The following NSD1 variants were observed in gnomAD, a reference collection of about 807,000 sequenced individuals.
NSD1 encodes histone-lysine N-methyltransferase, H3 lysine-36 specific.
A neutral mutation model predicts 242.7 loss-of-function variants in NSD1; 26 were observed. The ratio of observed to expected loss-of-function variants is 0.11; its 90% CI spans 0.08 to 0.15. The LOEUF (loss-of-function observed/expected upper bound fraction) is 0.15, where lower values mean the gene tolerates loss of function less well. NSD1 is among the 10% of genes least tolerant of loss of function. The pLI is 1.00. For missense variants in NSD1, 2,495 were observed against 3,272.8 expected (o/e 0.76, Z 5.80); for synonymous variants, 1,106 against 1,178.1 (o/e 0.94, Z 1.25).
intron 2 of NSD1, among the ~76,000 whole-genome samples, chr5:177,154,087 C>T (rs1346044274): frequency 2.0e-5 from 3 of 152,100 alleles, no homozygotes; most frequent in Admixed American, 6.6e-5. Flanking sequence ...CTGTCCAAGA[C>T]GGCTCACTCA....
chr5:177,213,672 G>C (rs1044317601), intron 5 of NSD1, among the ~76,000 whole-genome samples: 2 of 152,124 alleles, frequency 1.3e-5, no homozygotes, highest in Admixed American at 1.3e-4. Flanking sequence ...GGGTTTCACT[G>C]TGTTAGCCAG....
chr5:177,205,415 C>G (rs1185972165), intron 4 of NSD1, among the ~76,000 whole-genome samples: 1 of 151,770 alleles, frequency 6.6e-6, no homozygotes, highest in African/African-American at 2.4e-5. Context: ...AGTTATATTT[C>G]AACCATCAGT....
At chr5:177,205,071 C>CT (rs1762779626) in intron 4 of NSD1, among the ~76,000 whole-genome samples, 4 of 152,098 alleles carry the variant, frequency 2.6e-5, no homozygotes, top group Admixed American at 2.6e-4. Context: ...GAGTCTCACT[C>CT]TGTCACCCAG....
At position 177,267,661 on chromosome 5, in the gene NSD1, A is replaced by G. The variant is rs1015657006; in HGVS notation, c.5246A>G (p.Lys1749Arg). The stretch of plus-strand genomic sequence containing the variant: ...GGAAACTGGTATTGCAATGACTGTA[A>G]AGCAGGCAAAAAGCCACACTACAGG... ...PEGNWYCNDC[K>R]AGKKPHYREI... Residue 1749 changes from lysine to arginine, a missense_variant, in exon 15 of 23, where the codon AAA (lysine) becomes AGA (arginine). Physicochemically the swap from Lys to Arg is conservative, Grantham distance 26. Around this residue, in one of 19 missense-constraint regions of NSD1, gnomAD observed 25 missense variants for 49.7 expected, o/e 0.50. Coordinates refer to ENST00000439151, the MANE Select transcript of NSD1 (RefSeq NM_022455.5). 6.2e-7 allele frequency: 1 copy of G among 1,614,082 alleles called. No homozygotes were observed. The highest frequency in any genetic ancestry group is 8.5e-7 in the Non-Finnish European group (1 of 1,180,002).
intron 5 of NSD1, chr5:177,220,869 C>T (rs967372562): frequency 1.2e-5 from 4 of 326,732 alleles, no homozygotes; most frequent in African/African-American, 9.1e-5. Context: ...CTGTGGTCGG[C>T]CTCTTTTTTT....
intron 2 of NSD1, among the ~76,000 whole-genome samples, chr5:177,145,024 G>T (rs1346682107): frequency 1.3e-5 from 2 of 150,662 alleles, no homozygotes; most frequent in Non-Finnish European, 2.9e-5. Context: ...GGCAGAGGTT[G>T]CAGTAAGCTG....
intron 5 of NSD1, among the ~76,000 whole-genome samples, chr5:177,219,214 T>C (rs559818018): frequency 6.6e-6 from 1 of 150,920 alleles, no homozygotes; most frequent in East Asian, 2.0e-4. Context: ...TGAGAGGGAG[T>C]CTCGCTCTGT....
rs550741685 is a variant in NSD1 at position 177,136,158 on chromosome 5, A to G, written c.927+128A>G. The G allele has an allele frequency of 2.2e-5, 18 of 824,046 alleles. No individual in the cohort carries two copies. In the East Asian group the frequency reaches 2.7e-4, roughly 12 times the overall value. The allele number at this position is 824,046 out of a possible 1,614,324, so 51.0% of individuals were successfully genotyped here. On this transcript the variant is annotated intron_variant, in intron 2 of 22. Coordinates refer to ENST00000439151, the MANE Select transcript of NSD1 (RefSeq NM_022455.5). ...CACAGCTGAAATCCTATTGCTAATC[A>G]TAAGCTTTGGGCAAAATTTTACTTT...
chr5:177,223,355 T>C (rs1764389295), intron 5 of NSD1, among the ~76,000 whole-genome samples: 1 of 152,110 alleles, frequency 6.6e-6, no homozygotes, highest in African/African-American at 2.4e-5. Context: ...GGCAGATCAC[T>C]TGAGGTCAGA....
At chr5:177,150,326 T>A (rs1203601155) in intron 2 of NSD1, among the ~76,000 whole-genome samples, 12 of 152,084 alleles carry the variant, frequency 7.9e-5, no homozygotes, top group African/African-American at 2.9e-4. Context: ...AGACAGGTTT[T>A]CACTGTGTTG....
At chr5:177,232,297 T>C (rs974630259) in intron 5 of NSD1, among the ~76,000 whole-genome samples, 5 of 152,222 alleles carry the variant, frequency 3.3e-5, no homozygotes, top group African/African-American at 1.2e-4. Flanking sequence ...GTAGTGCCGA[T>C]TATATAATAT....
At chr5:177,234,562 CA>C (rs1450951135) in intron 5 of NSD1, among the ~76,000 whole-genome samples, 1 of 152,018 alleles carries the variant, frequency 6.6e-6, no homozygotes, top group Admixed American at 6.6e-5. Context: ...ACTAAAAATA[CA>C]AAATTAGCTG....
chr5:177,251,702 CAGAT>C (rs1243663059), intron 11 of NSD1, 24 bp from the exon 12 acceptor site: 5 of 1,612,638 alleles, frequency 3.1e-6, no homozygotes, highest in East Asian at 2.2e-5. Context: ...CATGGAAAAA[CAGAT>C]AGATGTTTTC....
At chr5:177,152,758 C>G (rs2149779172) in intron 2 of NSD1, among the ~76,000 whole-genome samples, 1 of 151,876 alleles carries the variant, frequency 6.6e-6, no homozygotes, top group South Asian at 2.1e-4. Context: ...GCCACTGCGC[C>G]TGGCCATTTC....
At chr5:177,243,227 G>C (rs1295093037) in intron 8 of NSD1, among the ~76,000 whole-genome samples, 1 of 151,936 alleles carries the variant, frequency 6.6e-6, no homozygotes, top group African/African-American at 2.4e-5. Context: ...TGTCTCCCAG[G>C]CTGTTGTAGT....
chr5:177,200,434 C>T (rs1436728727), intron 3 of NSD1, among the ~76,000 whole-genome samples: 1 of 152,126 alleles, frequency 6.6e-6, no homozygotes, highest in Non-Finnish European at 1.5e-5. Context: ...CTTTCCTCGC[C>T]TAATGTTTTC....
chr5:177,221,061 C>T (rs890903915), intron 5 of NSD1: 4 of 454,426 alleles, frequency 8.8e-6, no homozygotes, highest in African/African-American at 4.0e-5. Flanking sequence ...TTAATAGATA[C>T]GGGGTTTCAC....
In NSD1 at chr5:177,200,709, A is replaced by G. The variant is rs183224832; in HGVS notation, c.1064-3411A>G. Among the ~76,000 whole-genome samples, 525 of 152,252 alleles carry G rather than the reference A, an allele frequency of 3.4e-3. 2 individuals carry two copies. Among genetic ancestry groups the G allele is most frequent in the Middle Eastern group, 0.017 (5 of 294 alleles). ...ATCATAATGTCTTCTAAGTTCATCA[A>G]TGCTATAGTATGTTTCTGAATTTCT... is the stretch of plus-strand genomic sequence containing the variant. On this transcript the variant is annotated intron_variant, in intron 3 of 22. Coordinates refer to ENST00000439151, the MANE Select transcript of NSD1 (RefSeq NM_022455.5).
intron 2 of NSD1, among the ~76,000 whole-genome samples, chr5:177,161,026 C>G (rs1758707432): frequency 6.6e-6 from 1 of 152,058 alleles, no homozygotes; most frequent in South Asian, 2.1e-4. Context: ...ACTTCAGCCT[C>G]CCAAAGTGCT....
Sources: gnomAD v4.1 joint callset for allele counts (sites outside exome capture counted in the v4.1 genomes callset) on GRCh38, gnomAD v4.1.1 for gene constraint, gnomAD v4.1.1 regional missense constraint, MANE v1.5 for transcripts, NCBI Gene and HGNC (gene_info 2026-07-23, HGNC 2026-07-21) for gene names.